The following MCUB variants were observed in gnomAD, a reference collection of about 807,000 sequenced individuals.
MCUB encodes mitochondrial calcium uniporter dominant negative subunit beta.
In MCUB, 46 loss-of-function variants were observed where a neutral mutation model predicts 41.4. The observed-to-expected ratio is 1.11, with a 90% CI of 0.88 to 1.42. MCUB has a LOEUF of 1.42. Ranked by LOEUF, MCUB falls within the 40% of genes most tolerant of loss-of-function variation. The probability of loss-of-function intolerance (pLI) is 0.00; values close to 1 mark genes in which losing one functional copy is unlikely to be tolerated. For missense variants in MCUB, 403 were observed against 404.9 expected, an observed-to-expected ratio of 1.00 and a Z score of 0.04; for synonymous variants, 148 against 148.2, an observed-to-expected ratio of 1.00 and a Z score of 0.01.
Position 109,560,304 on chromosome 4 carries a change from A to C in MCUB, c.-34A>C. ...CCGGCTGAGGGAGGATGCGCCGCTGACGCCTGCGGGAGCCGCGCGCCTGGG... is the reference window on the plus strand; with the variant it reads ...CCGGCTGAGGGAGGATGCGCCGCTGCCGCCTGCGGGAGCCGCGCGCCTGGG... On this transcript the variant is annotated 5_prime_UTR_variant, in exon 1 of 8. It removes the in-frame stop codon of an upstream open reading frame in the 5' UTR. Transcript: ENST00000394650. 9.1e-7 allele frequency: 1 copy of C among 1,104,348 alleles called. No individual in the cohort carries two copies. The highest frequency in any genetic ancestry group is 1.2e-6 in the Non-Finnish European group (1 of 867,738). 68.4% of individuals were successfully genotyped at this position (1,104,348 alleles called of 1,614,324 possible). A position where few individuals can be genotyped will look rare whatever the true frequency, so the allele number is the denominator to read the frequency against.
intron 1 of MCUB, among the ~76,000 whole-genome samples, chr4:109,649,579 G>A (rs79848939): frequency 0.015 from 2,244 of 151,982 alleles, 35 homozygotes; most frequent in Non-Finnish European, 0.023. Context: ...TGCCTCTGCC[G>A]TCTATTAATT....
At chr4:109,636,901 G>A (rs142096168) in intron 1 of MCUB, among the ~76,000 whole-genome samples, 1 of 152,304 alleles carries the variant, frequency 6.6e-6, no homozygotes, top group Non-Finnish European at 1.5e-5. Flanking sequence ...CTTCTGCAAG[G>A]TCAGCAATGA....
intron 1 of MCUB, among the ~76,000 whole-genome samples, chr4:109,582,644 A>C (rs778363003): frequency 4.0e-5 from 6 of 150,914 alleles, no homozygotes; most frequent in Non-Finnish European, 7.4e-5. Context: ...GTCCTTGTCC[A>C]TGCCTGTGTC....
chr4:109,611,625 A>G (rs1728009281), intron 1 of MCUB, among the ~76,000 whole-genome samples: 1 of 152,218 alleles, frequency 6.6e-6, no homozygotes, highest in Non-Finnish European at 1.5e-5. Context: ...TCAATTCCTT[A>G]GATATCATAC....
At chr4:109,648,209 C>T (rs1000567457) in intron 1 of MCUB, among the ~76,000 whole-genome samples, 4 of 118,836 alleles carry the variant, frequency 3.4e-5, no homozygotes, top group African/African-American at 7.3e-5. Context: ...AATGTCCTGT[C>T]GAAATGGAAG....
rs1036578074 is a variant in MCUB at position 109,584,646 on chromosome 4, C to T, written c.99+24210C>T. Among the ~76,000 whole-genome samples the T allele has an allele frequency of 4.6e-5, 7 of 152,060 alleles. No homozygotes were observed. The East Asian group carries it at 1.3e-3, about 29-fold the overall frequency. On this transcript the variant is annotated intron_variant, in intron 1 of 7. Transcript: ENST00000394650. Reference sequence around the variant, plus strand: ...TAAATGTGTCCCAGAGATTCTGGTACCTTGTGTCTTTGTTCTCATTGGTTT... The same window carrying T: ...TAAATGTGTCCCAGAGATTCTGGTATCTTGTGTCTTTGTTCTCATTGGTTT...
chr4:109,624,221 T>C (rs1483712680), intron 1 of MCUB, among the ~76,000 whole-genome samples: 1 of 152,162 alleles, frequency 6.6e-6, no homozygotes, highest in Non-Finnish European at 1.5e-5. Flanking sequence ...ACATGCATTC[T>C]TATGGAAAGT....
chr4:109,674,217 A>G (rs1420516287), intron 4 of MCUB: 3 of 752,444 alleles, frequency 4.0e-6, no homozygotes, highest in Non-Finnish European at 7.3e-6. Context: ...ACTAATTTGT[A>G]TGGGTTTAGA....
intron 1 of MCUB, among the ~76,000 whole-genome samples, chr4:109,582,551 A>G (rs995977873): frequency 1.2e-5 from 1 of 80,500 alleles, no homozygotes; most frequent in South Asian, 5.0e-4. Context: ...AAAAAAAATC[A>G]CAGTTTAACA....
intron 4 of MCUB, among the ~76,000 whole-genome samples, chr4:109,679,755 T>G (rs1213159610): frequency 1.3e-5 from 2 of 152,220 alleles, no homozygotes; most frequent in Non-Finnish European, 2.9e-5. Context: ...AGCTTGCAAT[T>G]ATGAACTTTC....
At chr4:109,604,597 G>C (rs1473930022) in intron 1 of MCUB, among the ~76,000 whole-genome samples, 1 of 152,086 alleles carries the variant, frequency 6.6e-6, no homozygotes, top group African/African-American at 2.4e-5. Flanking sequence ...TCGTGTTCCA[G>C]ATCCAGGAAA....
intron 1 of MCUB, among the ~76,000 whole-genome samples, chr4:109,576,873 A>G (rs1238576413): frequency 6.6e-6 from 1 of 151,998 alleles, no homozygotes; most frequent in Non-Finnish European, 1.5e-5. Context: ...TTTTTTTGAG[A>G]TGGAGTCTCA....
chr4:109,665,293 A>G (rs1024209785), intron 4 of MCUB, among the ~76,000 whole-genome samples: 18 of 152,216 alleles, frequency 1.2e-4, no homozygotes, highest in Non-Finnish European at 2.5e-4. Flanking sequence ...TTTAACATTA[A>G]AAGTGTCTTG....
intron 1 of MCUB, among the ~76,000 whole-genome samples, chr4:109,609,808 T>C (rs1727959832): frequency 1.3e-5 from 2 of 152,138 alleles, no homozygotes; most frequent in South Asian, 2.1e-4. Context: ...ACCTTAGAAC[T>C]CTACAATCAG....
chr4:109,602,391 C>T (rs1256361548), intron 1 of MCUB, among the ~76,000 whole-genome samples: 3 of 152,164 alleles, frequency 2.0e-5, no homozygotes, highest in South Asian at 2.1e-4. Context: ...CTTCTGTAAA[C>T]AGCAAGAAAT....
At chr4:109,672,516 A>T (rs1729479376) in intron 4 of MCUB, among the ~76,000 whole-genome samples, 1 of 152,190 alleles carries the variant, frequency 6.6e-6, no homozygotes, top group Non-Finnish European at 1.5e-5. Flanking sequence ...ATAGACTGTT[A>T]AGGGTAGGAG....
intron 1 of MCUB, among the ~76,000 whole-genome samples, chr4:109,590,776 T>A (rs1299289716): frequency 6.6e-6 from 1 of 152,222 alleles, no homozygotes; most frequent in Non-Finnish European, 1.5e-5. Context: ...CTCCCCTTTC[T>A]CTCTATAAAG....
At chr4:109,654,493 C>A (rs1729043645) in intron 1 of MCUB, among the ~76,000 whole-genome samples, 1 of 151,770 alleles carries the variant, frequency 6.6e-6, no homozygotes, top group African/African-American at 2.4e-5. Flanking sequence ...CGCCTGTAAT[C>A]CCAGCTACTC....
chr4:109,681,283 C>G (rs1729710680), intron 4 of MCUB, among the ~76,000 whole-genome samples: 1 of 152,128 alleles, frequency 6.6e-6, no homozygotes, highest in Non-Finnish European at 1.5e-5. Context: ...GTCCTTGAGT[C>G]TCTGGGGTCA....
Sources: allele counts gnomAD v4.1 joint callset (sites outside exome capture counted in the v4.1 genomes callset), GRCh38; gene constraint gnomAD v4.1.1; transcripts MANE v1.5; gene names NCBI Gene and HGNC (gene_info 2026-07-23, HGNC 2026-07-21).